GRIP1: variants seen among roughly 807,000 people sequenced by gnomAD.
GRIP1 encodes the protein glutamate receptor-interacting protein 1.
A neutral mutation model predicts 129.9 loss-of-function variants in GRIP1; 45 were observed. The ratio of observed to expected loss-of-function variants is 0.35; its 90% CI spans 0.27 to 0.44. The LOEUF is 0.44. Among genes scored for constraint, GRIP1 ranks in the 20% least tolerant of loss-of-function variants. The pLI, the probability that GRIP1 is intolerant of heterozygous loss-of-function variation, is 1.00. For missense variants in GRIP1, 1,196 were observed against 1,396.8 expected (o/e 0.86, Z 2.29); for synonymous variants, 530 against 520.8 (o/e 1.02, Z -0.24).
intron 1 of GRIP1, among the ~76,000 whole-genome samples, chr12:66,675,119 A>G (rs969081793): frequency 1.3e-5 from 2 of 152,152 alleles, no homozygotes; most frequent in African/African-American, 4.8e-5. Flanking sequence ...CTATGATGAA[A>G]AATGTTGAAG....
chr12:66,522,882 G>T (rs1041454364), intron 5 of GRIP1, among the ~76,000 whole-genome samples: 4 of 152,168 alleles, frequency 2.6e-5, no homozygotes, highest in African/African-American at 9.7e-5. Flanking sequence ...TGTGAAGAAT[G>T]CAGAAGCCTC....
chr12:67,029,949 C>G (rs1339415809), intron 1 of GRIP1, among the ~76,000 whole-genome samples: 1 of 151,332 alleles, frequency 6.6e-6, no homozygotes, highest in Non-Finnish European at 1.5e-5. Context: ...CCTGTAATCC[C>G]AGCACTTTGG....
intron 7 of GRIP1, among the ~76,000 whole-genome samples, chr12:66,470,967 C>T (rs1006902512): frequency 6.6e-6 from 1 of 152,166 alleles, no homozygotes; most frequent in Non-Finnish European, 1.5e-5. Flanking sequence ...TTTCAGTGAA[C>T]CCACAAGGAC....
chr12:66,397,133 A>G (rs1401610218), intron 16 of GRIP1, among the ~76,000 whole-genome samples: 79 of 150,866 alleles, frequency 5.2e-4, no homozygotes, highest in African/African-American at 1.8e-3. Flanking sequence ...AAAAAAAAAA[A>G]AGAGAAAAGG....
intron 2 of GRIP1, among the ~76,000 whole-genome samples, chr12:66,593,059 T>C (rs954761510): frequency 3.3e-5 from 5 of 152,216 alleles, no homozygotes; most frequent in Non-Finnish European, 5.9e-5. Context: ...GGGACACTCA[T>C]GTCATTTTTT....
chr12:66,928,991 TC>T (rs1217022407), intron 1 of GRIP1, among the ~76,000 whole-genome samples: 1 of 152,114 alleles, frequency 6.6e-6, no homozygotes, highest in Non-Finnish European at 1.5e-5. Flanking sequence ...AGAACTGAAG[TC>T]AAGAAAGGTT....
upstream of GRIP1, among the ~76,000 whole-genome samples, chr12:66,682,129 C>G (rs1475419751): frequency 1.3e-5 from 2 of 152,046 alleles, no homozygotes; most frequent in Non-Finnish European, 2.9e-5. Flanking sequence ...TCCTTGCCAC[C>G]AATACAAAAT....
At chr12:66,637,826 T>C (rs539796158) in intron 1 of GRIP1, among the ~76,000 whole-genome samples, 27 of 152,106 alleles carry the variant, frequency 1.8e-4, no homozygotes, top group Admixed American at 1.8e-3. Flanking sequence ...ATAAACAGAG[T>C]GTAAAACTTC....
chr12:66,805,794 T>C (rs2038978454), upstream of GRIP1, among the ~76,000 whole-genome samples: 1 of 152,196 alleles, frequency 6.6e-6, no homozygotes, highest in Non-Finnish European at 1.5e-5. Flanking sequence ...CTAAAATATG[T>C]AGTTACTTTC....
At chr12:66,785,307 C>CATATAT (rs1337681764) in intron 1 of GRIP1, among the ~76,000 whole-genome samples, 3 of 58,896 alleles carry the variant, frequency 5.1e-5, no homozygotes, top group African/African-American at 1.8e-4. Flanking sequence ...AAGAATTTAA[C>CATATAT]ATACATACAT....
chr12:66,572,392 A>G (rs2062993752), intron 2 of GRIP1, among the ~76,000 whole-genome samples: 1 of 152,178 alleles, frequency 6.6e-6, no homozygotes, highest in Non-Finnish European at 1.5e-5. Flanking sequence ...CCTGTAAATT[A>G]TAGTAAAGGT....
At chr12:67,062,710 T>G (rs2043556267) in intron 1 of GRIP1, among the ~76,000 whole-genome samples, 1 of 152,218 alleles carries the variant, frequency 6.6e-6, no homozygotes, top group Non-Finnish European at 1.5e-5. Flanking sequence ...TCATGGCACT[T>G]TGGCAGTTGG....
chr12:66,378,777 T>C (rs1460224258), intron 20 of GRIP1, among the ~76,000 whole-genome samples: 1 of 151,616 alleles, frequency 6.6e-6, no homozygotes, highest in Non-Finnish European at 1.5e-5. Context: ...AGTAATACAA[T>C]ATAAAATTAA....
At chr12:66,866,475 C>T (rs577901183) in intron 1 of GRIP1, among the ~76,000 whole-genome samples, 5 of 152,232 alleles carry the variant, frequency 3.3e-5, no homozygotes, top group African/African-American at 1.2e-4. Flanking sequence ...GTCAGGTCAA[C>T]TGTAGAACAT....
intron 5 of GRIP1, among the ~76,000 whole-genome samples, chr12:66,526,294 G>GTAA (rs2061236999): frequency 6.6e-6 from 1 of 152,112 alleles, no homozygotes; most frequent in African/African-American, 2.4e-5. Flanking sequence ...CAAGGCTACA[G>GTAA]TAACCAAAAC....
At chr12:67,005,184 C>T (rs1483633861) in intron 1 of GRIP1, among the ~76,000 whole-genome samples, 1 of 152,174 alleles carries the variant, frequency 6.6e-6, no homozygotes, top group Non-Finnish European at 1.5e-5. Flanking sequence ...TTGCTGCCCT[C>T]TCCCCTTCAT....
At chr12:66,855,600 T>C (rs1453803502) in intron 1 of GRIP1, among the ~76,000 whole-genome samples, 2 of 152,040 alleles carry the variant, frequency 1.3e-5, no homozygotes, top group African/African-American at 2.4e-5. Context: ...AACAAGGCAA[T>C]AGAGGAAGCC....
chr12:66,668,940 C>T (rs542000119), intron 1 of GRIP1, among the ~76,000 whole-genome samples: 2 of 151,962 alleles, frequency 1.3e-5, no homozygotes, highest in Admixed American at 6.6e-5. Flanking sequence ...CAGAGAGACC[C>T]TGTCTCAAAA....
At chr12:66,357,604 GGTTGCAAAGCGATAATCTTT>G (rs1260365409) in intron 23 of GRIP1, among the ~76,000 whole-genome samples, 1 of 152,032 alleles carries the variant, frequency 6.6e-6, no homozygotes, top group African/African-American at 2.4e-5. Context: ...TTTCATTAGG[GGTTGCAAAGCGATAATCTTT>G]TTCTAATCCT....
Sources: gnomAD v4.1 joint callset for allele counts (sites outside exome capture counted in the v4.1 genomes callset) on GRCh38, gnomAD v4.1.1 for gene constraint, MANE v1.5 for transcripts, NCBI Gene and HGNC (gene_info 2026-07-23, HGNC 2026-07-21) for gene names.